Variants in LRRC7 observed in about 807,000 individuals in gnomAD.
The protein encoded by LRRC7 is leucine-rich repeat-containing protein 7.
In LRRC7, 23 loss-of-function variants were observed where a neutral mutation model predicts 175.7. The ratio of observed to expected loss-of-function variants is 0.13; its 90% CI spans 0.09 to 0.19. The LOEUF (loss-of-function observed/expected upper bound fraction) is 0.19. LRRC7 is among the 10% of genes least tolerant of loss of function. The pLI is 1.00. For synonymous variants in LRRC7, 685 were observed against 680.9 expected (o/e 1.01, Z -0.09); for missense variants, 1,354 against 1,904.7 (o/e 0.71, Z 5.38).
At chr1:69,962,838 G>A (rs924690665) in intron 8 of LRRC7, among the ~76,000 whole-genome samples, 1 of 152,028 alleles carries the variant, frequency 6.6e-6, no homozygotes, top group Non-Finnish European at 1.5e-5. Flanking sequence ...CAGAGGGTGG[G>A]AGGCGGGAGA....
intron 25 of LRRC7, among the ~76,000 whole-genome samples, chr1:70,103,551 C>T (rs965471165): frequency 3.3e-5 from 5 of 152,158 alleles, no homozygotes; most frequent in Non-Finnish European, 1.5e-5. Flanking sequence ...GATTCTCCCC[C>T]TGAAGATTCC....
At chr1:70,118,438 G>A (rs1571372589) in intron 26 of LRRC7, among the ~76,000 whole-genome samples, 2 of 152,088 alleles carry the variant, frequency 1.3e-5, no homozygotes, top group East Asian at 3.8e-4. Flanking sequence ...TAAATTAAAT[G>A]TGATAGAAAT....
intron 7 of LRRC7, among the ~76,000 whole-genome samples, chr1:69,860,330 G>A (rs1281338232): frequency 1.3e-5 from 2 of 151,650 alleles, no homozygotes; most frequent in African/African-American, 4.8e-5. Context: ...AACTCACAAA[G>A]TATAATTATA....
chr1:69,815,087 C>G (rs1678427800), intron 4 of LRRC7, among the ~76,000 whole-genome samples: 1 of 152,136 alleles, frequency 6.6e-6, no homozygotes, highest in Non-Finnish European at 1.5e-5. Context: ...GCTTTTTGAA[C>G]TGATGCAATC....
chr1:69,583,574 A>C (rs1357411375), intron 1 of LRRC7, among the ~76,000 whole-genome samples: 2 of 152,294 alleles, frequency 1.3e-5, no homozygotes, highest in East Asian at 1.9e-4. Flanking sequence ...TGTGTTTAAA[A>C]TGACTGTGTT....
rs1452457107 is a variant in LRRC7 at position 70,132,804 on chromosome 1, G to A, written c.*10917G>A. Among the ~76,000 whole-genome samples the A allele has an allele frequency of 6.6e-6, 1 of 152,056 alleles. No homozygotes were observed. Among genetic ancestry groups the A allele is most frequent in the Non-Finnish European group, 1.5e-5 (1 of 68,010 alleles). ...CTTAAATAAAGACTAATGTCAGACA[G>A]TGTGGCTACAGGTAAAAGCTCTGTG... On this transcript the variant is annotated 3_prime_UTR_variant, in exon 27 of 27. Transcript: ENST00000651989.
At chr1:69,889,486 T>A (rs1645765772) in intron 7 of LRRC7, among the ~76,000 whole-genome samples, 1 of 152,202 alleles carries the variant, frequency 6.6e-6, no homozygotes, top group African/African-American at 2.4e-5. Context: ...GTTCACAGCA[T>A]CTTTACCAGG....
At position 69,838,266 on chromosome 1, in the gene LRRC7, C is replaced by T. The variant is rs752332115; in HGVS notation, c.630C>T (p.His210=). The change falls in exon 7 of 27, where the codon CAC becomes CAT. Residue 210 remains histidine, a synonymous_variant. Transcript: ENST00000651989. The stretch of plus-strand genomic sequence containing the variant: ...GGATCTTGGAGTTAAGAGAAAATCA[C>T]TTGAAAACTCTACCAAAGTAAGTGA... ...KLRILELREN[H]LKTLPKSMHK... is the part of the protein sequence containing the mutation. The T allele has an allele frequency of 6.2e-7, 1 of 1,608,426 alleles. No homozygotes were observed.
At chr1:69,760,168 G>GTTTTA in intron 2 of LRRC7, 23 bp from the exon 3 acceptor site, 1 of 1,609,670 alleles carries the variant, frequency 6.2e-7, no homozygotes. Flanking sequence ...GTTTTGTTTT[G>GTTTTA]TTTTGTTTCT....
At chr1:69,675,056 A>G (rs1286786707) in intron 1 of LRRC7, among the ~76,000 whole-genome samples, 1 of 152,180 alleles carries the variant, frequency 6.6e-6, no homozygotes, top group Non-Finnish European at 1.5e-5. Flanking sequence ...GTATGTGAGT[A>G]ACTTTACCTA....
At chr1:69,635,670 T>G (rs1168876071) in intron 1 of LRRC7, among the ~76,000 whole-genome samples, 1 of 152,064 alleles carries the variant, frequency 6.6e-6, no homozygotes, top group Non-Finnish European at 1.5e-5. Flanking sequence ...GTCCGGATTT[T>G]AAAAATAATA....
At chr1:69,709,919 T>C (rs926482468) in intron 2 of LRRC7, among the ~76,000 whole-genome samples, 5 of 152,084 alleles carry the variant, frequency 3.3e-5, no homozygotes. Flanking sequence ...TATACAACTA[T>C]GTGTATGGAT....
At chr1:69,907,655 C>T (rs545616124) in intron 7 of LRRC7, among the ~76,000 whole-genome samples, 4 of 152,210 alleles carry the variant, frequency 2.6e-5, no homozygotes, top group Admixed American at 6.5e-5. Flanking sequence ...CTGCTGGATT[C>T]GATTTGCCAG....
intron 11 of LRRC7, among the ~76,000 whole-genome samples, chr1:70,011,067 A>G (rs1656459538): frequency 6.6e-6 from 1 of 152,202 alleles, no homozygotes; most frequent in Non-Finnish European, 1.5e-5. Context: ...TAAAATTTTA[A>G]ATACTTATAT....
At chr1:69,822,111 T>G (rs192175082) in intron 4 of LRRC7, among the ~76,000 whole-genome samples, 1 of 152,206 alleles carries the variant, frequency 6.6e-6, no homozygotes, top group East Asian at 1.9e-4. Context: ...CTGCTCCACC[T>G]ATTTTGTTTC....
chr1:69,783,626 T>C (rs376666118), intron 3 of LRRC7, among the ~76,000 whole-genome samples: 12 of 151,226 alleles, frequency 7.9e-5, no homozygotes, highest in East Asian at 5.8e-4. Flanking sequence ...GTGGCGAGCG[T>C]CTATAATCCC....
rs1301395735 is a variant in LRRC7 at position 70,143,162 on chromosome 1, T to C, written c.*21275T>C. On this transcript the variant is annotated 3_prime_UTR_variant, in exon 27 of 27. Coordinates refer to ENST00000651989, the MANE Select transcript of LRRC7 (RefSeq NM_001370785.2). ...AAAATTCCTAAGCAGTGATACAACT[T>C]TGGGTCGCTATTTTAGTAAAATGAA... The C allele has an allele frequency of 1.3e-5, 2 of 151,880 alleles. No homozygotes were observed. Among genetic ancestry groups the C allele is most frequent in the African/African-American group, 4.8e-5 (2 of 41,374 alleles). 9.4% of individuals were successfully genotyped at this position (151,880 alleles called of 1,614,324 possible).
At chr1:69,655,790 A>G (rs531154835) in intron 1 of LRRC7, among the ~76,000 whole-genome samples, 1 of 152,200 alleles carries the variant, frequency 6.6e-6, no homozygotes, top group South Asian at 2.1e-4. Context: ...GTATCACATT[A>G]CATGTAAATG....
At chr1:69,791,620 T>C (rs1228636758) in intron 3 of LRRC7, among the ~76,000 whole-genome samples, 1 of 152,080 alleles carries the variant, frequency 6.6e-6, no homozygotes, top group Non-Finnish European at 1.5e-5. Context: ...GATAAACAAC[T>C]GTTCAATGTG....
Sources: allele counts gnomAD v4.1 joint callset (sites outside exome capture counted in the v4.1 genomes callset), GRCh38; gene constraint gnomAD v4.1.1; transcripts MANE v1.5; gene names NCBI Gene and HGNC (gene_info 2026-07-23, HGNC 2026-07-21).